GLMP: variants seen among roughly 807,000 people sequenced by gnomAD.
GLMP encodes kidney lysosomal membrane protein.
In GLMP, 36 loss-of-function variants were observed where a neutral mutation model predicts 39.2. The ratio of observed to expected loss-of-function variants is 0.92; its 90% CI spans 0.70 to 1.21. GLMP has a LOEUF of 1.21. GLMP is among the 50% of genes most tolerant of loss of function. GLMP has a pLI of 0.00. For synonymous variants in GLMP, 220 were observed against 218.9 expected (o/e 1.01, Z -0.04); for missense variants, 454 against 505.6 (o/e 0.90, Z 0.98).
chr1:156,293,991 C>A (rs754320073), intron 4 of GLMP, 27 bp downstream of exon 4: 1 of 1,607,650 alleles, frequency 6.2e-7, no homozygotes, highest in Non-Finnish European at 8.5e-7. Context: ...ATTCCTCACC[C>A]ATCTGCCTCT....
Position 156,295,534 on chromosome 1 carries a change from T to G in GLMP, c.112A>C (p.Thr38Pro). ...AGCCCCAGGGCCCTCACCTGGCGGG[T>G]CTTCTCCCCCAGCAGGCCAAATGGG... ...AAPFGLLGEK[T>P]RQVSLEVIPN... Residue 38 changes from threonine (T) to proline (P), a missense_variant, in exon 1 of 6, where the codon ACC (threonine) becomes CCC (proline). Coordinates refer to ENST00000362007, the MANE Select transcript of GLMP (RefSeq NM_144580.3). 1 of 1,521,036 alleles carries G rather than the reference T, an allele frequency of 6.6e-7. No individual in the cohort carries two copies. 94.2% of individuals were successfully genotyped at this position (1,521,036 alleles called of 1,614,324 possible).
At position 156,294,171 on chromosome 1, in the gene GLMP, GGTGTCTGCTGT is replaced by G; in HGVS notation, c.634_644del (p.Thr212LeufsTer31). The G allele has an allele frequency of 1.9e-6, 3 of 1,614,102 alleles. No individual in the cohort carries two copies. The highest frequency in any genetic ancestry group is 2.5e-6 in the Non-Finnish European group (3 of 1,179,926). ...CAATCAGGGCCACCTCTAGCTGACA[GGTGTCTGCTGT>G]GTGCAGGAGGCGAGGGGGTTGGGCT... On this transcript the variant is annotated frameshift_variant, in exon 4 of 6. Transcript: ENST00000362007. LOFTEE classifies it high-confidence loss of function.
chr1:156,295,598 G>A lies in GLMP; in HGVS notation c.48C>T (p.Pro16=). 1.3e-6 allele frequency: 2 copies of A among 1,552,380 alleles called. No individual in the cohort carries two copies. Among genetic ancestry groups the A allele is most frequent in the South Asian group, 1.2e-5 (1 of 84,058 alleles). ...ECTWGWGHCA[P]SPLLLWTLLL... ...GTAGAGTCCAAAGGAGCAGGGGGCT[G>A]GGGGCACAGTGCCCCCAACCCCAGG... Residue 16 remains proline, a synonymous_variant, in exon 1 of 6, where the codon CCC becomes CCT. Transcript: ENST00000362007.
intron 4 of GLMP, chr1:156,293,817 C>T (rs1663471610): frequency 7.9e-7 from 1 of 1,267,278 alleles, no homozygotes; most frequent in Admixed American, 2.0e-5. Context: ...AGATCTCCAT[C>T]TGCCAGAGTG....
intron 1 of GLMP, 157 bp downstream of exon 1, chr1:156,295,369 G>A (rs934199246): frequency 5.7e-6 from 8 of 1,398,128 alleles, no homozygotes; most frequent in African/African-American, 3.0e-5. Context: ...CCACAATCCC[G>A]TCCCATGACC....
chr1:156,293,842 C>T (rs1275440393), intron 4 of GLMP, 176 bp downstream of exon 4: 4 of 1,204,944 alleles, frequency 3.3e-6, no homozygotes, highest in Admixed American at 2.0e-5. Flanking sequence ...TCATATTGCA[C>T]TTTCTGTCTG....
Position 156,295,595 on chromosome 1 carries a change from G to C in GLMP, c.51C>G (p.Ser17Arg), listed in dbSNP as rs1473570658. 6.4e-7 allele frequency: 1 copy of C among 1,553,890 alleles called. No homozygotes were observed. Among genetic ancestry groups the C allele is most frequent in the Non-Finnish European group, 8.7e-7 (1 of 1,150,284 alleles). Residue 17 changes from serine to arginine, a missense_variant, in exon 1 of 6, where the codon AGC becomes AGG. Ser to Arg is a moderately radical substitution (Grantham distance 110). Coordinates refer to ENST00000362007, the MANE Select transcript of GLMP (RefSeq NM_144580.3). ...GAAGTAGAGTCCAAAGGAGCAGGGG[G>C]CTGGGGGCACAGTGCCCCCAACCCC... ...CTWGWGHCAP[S>R]PLLLWTLLLF...
At chr1:156,295,305 G>A in intron 1 of GLMP, 1 of 1,351,534 alleles carries the variant, frequency 7.4e-7, no homozygotes, top group Non-Finnish European at 9.5e-7. Flanking sequence ...GCCTGGACCT[G>A]GGTCACCCAG....
rs530594171 is a variant in GLMP at position 156,294,835 on chromosome 1, G to A, written c.302C>T (p.Ser101Phe). ...CATCAGGCCCCCATCGGGCTCAGGGGATAGCAGGAGGCTCCAGTTGACGCT... is the reference window on the plus strand; with the variant it reads ...CATCAGGCCCCCATCGGGCTCAGGGAATAGCAGGAGGCTCCAGTTGACGCT... ...TLSVNWSLLL[S>F]PEPDGGLMVL... Residue 101 changes from serine to phenylalanine, a missense_variant, in exon 2 of 6, where the codon TCC (serine) becomes TTC (phenylalanine). Ser to Phe is a radical substitution (Grantham distance 155). Transcript: ENST00000362007. The A allele has an allele frequency of 6.9e-5, 111 of 1,603,894 alleles. 1 individual carries two copies. In the South Asian group the frequency reaches 1.1e-3, roughly 17 times the overall value.
chr1:156,294,602 C>A (rs1663525028), intron 2 of GLMP, 37 bp from the exon 3 acceptor site: 2 of 1,610,482 alleles, frequency 1.2e-6, no homozygotes, highest in Admixed American at 1.7e-5. Flanking sequence ...GGGCTTGCCT[C>A]AGTTTTTCTC....
intron 3 of GLMP, 26 bp from the exon 4 acceptor site, chr1:156,294,262 G>A (rs1466650304): frequency 6.2e-7 from 1 of 1,609,300 alleles, no homozygotes; most frequent in Non-Finnish European, 8.5e-7. Flanking sequence ...CATGGGAGGT[G>A]TGGGAAATAG....
rs557748837 is a variant in GLMP at position 156,293,324 on chromosome 1, T to C, written c.1051A>G (p.Ser351Gly). 1 of 1,614,122 alleles carries C rather than the reference T, an allele frequency of 6.2e-7. No homozygotes were observed. Among genetic ancestry groups the C allele is most frequent in the Admixed American group, 1.7e-5 (1 of 60,018 alleles). The change falls in exon 5 of 6, where the codon AGC (serine) becomes GGC (glycine). Residue 351 changes from serine to glycine, a missense_variant. By Grantham distance (56) the Ser-to-Gly change is moderately conservative. Transcript: ENST00000362007. ...GGCCCAAACCCTGGCTCTCACCAGCTGAGGTAGTGTTGGTCCCAATAGCCA... is the reference window on the plus strand; with the variant it reads ...GGCCCAAACCCTGGCTCTCACCAGCCGAGGTAGTGTTGGTCCCAATAGCCA... ...GPGYWDQHYL[S>G]WSMLLGVGFP...
At chr1:156,295,478 G>A in intron 1 of GLMP, 48 bp downstream of exon 1, 2 of 1,450,956 alleles carry the variant, frequency 1.4e-6, no homozygotes, top group Non-Finnish European at 1.8e-6. Context: ...CACCCTGCAA[G>A]GGTAGCGTTT....
At position 156,293,961 on chromosome 1, in the gene GLMP, C is replaced by G; in HGVS notation, c.798+57G>C. ...GCAAATGGTTGAATGAGTTTTAGGT[C>G]CCAATGGTGTCCCACCTACATTCCT... is the stretch of plus-strand genomic sequence containing the variant. On this transcript the variant is annotated intron_variant, in intron 4 of 5. Transcript: ENST00000362007. 5 of 1,576,404 alleles carry G rather than the reference C, an allele frequency of 3.2e-6. No individual in the cohort carries two copies. The South Asian group carries it at 4.4e-5, about 14-fold the overall frequency.
Position 156,292,742 on chromosome 1 carries a change from A to G in GLMP, c.*302T>C. On this transcript the variant is annotated 3_prime_UTR_variant, in exon 6 of 6. Transcript: ENST00000362007. ...TGCCTTCCAGGGCAGCCAACCAGTC[A>G]GAATGCCTCTCATTTAGGCCTGCAA... 2.6e-6 allele frequency: 1 copy of G among 381,838 alleles called. No homozygotes were observed. Among genetic ancestry groups the G allele is most frequent in the Non-Finnish European group, 4.7e-6 (1 of 214,310 alleles). 23.7% of individuals were successfully genotyped at this position (381,838 alleles called of 1,614,324 possible).
intron 4 of GLMP, 152 bp from the exon 5 acceptor site, chr1:156,293,728 T>G: frequency 6.5e-7 from 1 of 1,549,462 alleles, no homozygotes. Flanking sequence ...AATGGGGAGT[T>G]CGACTGGGTG....
intron 1 of GLMP, 130 bp from the exon 2 acceptor site, chr1:156,295,146 G>C: frequency 1.0e-6 from 1 of 979,236 alleles, no homozygotes; most frequent in Non-Finnish European, 1.5e-6. Flanking sequence ...TAGACAAGAG[G>C]AATGTGTGCG....
At chr1:156,293,600 A>C (rs372434276) in intron 4 of GLMP, 24 bp from the exon 5 acceptor site, 1 of 1,613,594 alleles carries the variant, frequency 6.2e-7, no homozygotes, top group African/African-American at 1.3e-5. Context: ...CAAACAAGGG[A>C]GGGTAAAGAG....
In GLMP at chr1:156,293,515, T is replaced by C; in HGVS notation, c.860A>G (p.Tyr287Cys). 6.2e-7 allele frequency: 1 copy of C among 1,613,964 alleles called. No homozygotes were observed. ...TTCTCGGCCCCCCGGCTTCTGGGAG[T>C]AAGCCACTGGTCGCCACTGTGCAAA... ...SGFAQWRPVA[Y>C]SQKPGGRESA... Residue 287 changes from tyrosine to cysteine, a missense_variant, in exon 5 of 6, where the codon TAC becomes TGC. Physicochemically the swap from Tyr to Cys is radical, Grantham distance 194. Transcript: ENST00000362007.
Sources: allele counts gnomAD v4.1 joint callset, GRCh38; gene constraint gnomAD v4.1.1; transcripts MANE v1.5; gene names NCBI Gene and HGNC (gene_info 2026-07-23, HGNC 2026-07-21).